The following PRKG1 variants were observed in gnomAD, a reference collection of about 807,000 sequenced individuals.
PRKG1 encodes protein kinase cGMP-dependent 1, also known as cGMP-dependent protein kinase 1.
PRKG1 carries 35 observed loss-of-function variants against 88.1 expected under a neutral mutation model. The observed-to-expected ratio is 0.40, with a 90% CI of 0.30 to 0.53. The LOEUF is 0.53. PRKG1 is among the 20% of genes least tolerant of loss of function. The pLI, the probability that PRKG1 is intolerant of heterozygous loss-of-function variation, is 0.59. For synonymous variants in PRKG1, 303 were observed against 292.5 expected, an observed-to-expected ratio of 1.04 and a Z score of -0.37; for missense variants, 540 against 839.8, an observed-to-expected ratio of 0.64 and a Z score of 4.41.
chr10:50,999,295 C>G (rs1842864071), intron 1 of PRKG1, among the ~76,000 whole-genome samples: 1 of 152,190 alleles, frequency 6.6e-6, no homozygotes, highest in African/African-American at 2.4e-5. Flanking sequence ...ACTGATAGCA[C>G]TTTCATGTGC....
intron 2 of PRKG1, among the ~76,000 whole-genome samples, chr10:51,250,840 T>C (rs1188894180): frequency 6.6e-6 from 1 of 151,192 alleles, no homozygotes; most frequent in Non-Finnish European, 1.5e-5. Flanking sequence ...GAGCTCCTAG[T>C]GTATGTGAAG....
At chr10:51,228,139 A>G (rs1205385352) in intron 2 of PRKG1, among the ~76,000 whole-genome samples, 1 of 145,406 alleles carries the variant, frequency 6.9e-6, no homozygotes, top group Non-Finnish European at 1.5e-5. Context: ...AGAAGCTAGC[A>G]TTCTCATTTG....
chr10:52,154,219 C>A (rs983049448), intron 8 of PRKG1, among the ~76,000 whole-genome samples: 5 of 152,134 alleles, frequency 3.3e-5, no homozygotes, highest in African/African-American at 1.2e-4. Flanking sequence ...GCAAACTAAT[C>A]TTAAAATAGC....
chr10:51,708,049 C>A (rs16921768), intron 3 of PRKG1, among the ~76,000 whole-genome samples: 1 of 152,020 alleles, frequency 6.6e-6, no homozygotes, highest in Non-Finnish European at 1.5e-5. Flanking sequence ...CTCTCAGAAC[C>A]CACAGAAATT....
chr10:51,698,424 A>T, intron 3 of PRKG1: 2 of 1,614,020 alleles, frequency 1.2e-6, no homozygotes, highest in Non-Finnish European at 1.7e-6. Context: ...TCATGTGAGG[A>T]AGGGCCACGA....
intron 1 of PRKG1, among the ~76,000 whole-genome samples, chr10:50,998,985 A>G (rs1842861493): frequency 6.6e-6 from 1 of 152,226 alleles, no homozygotes; most frequent in Admixed American, 6.5e-5. Context: ...TGGATCACCA[A>G]CTTTGGGGTA....
intron 4 of PRKG1, among the ~76,000 whole-genome samples, chr10:51,890,724 G>T (rs7917191): frequency 4.6e-5 from 7 of 152,064 alleles, no homozygotes; most frequent in South Asian, 2.1e-4. Context: ...GGGAGGTCAA[G>T]GCGGGTGGAT....
intron 2 of PRKG1, among the ~76,000 whole-genome samples, chr10:51,186,738 T>C (rs1837496932): frequency 6.6e-6 from 1 of 151,838 alleles, no homozygotes; most frequent in South Asian, 2.1e-4. Context: ...CTTCCATTAA[T>C]TAGCTGTATG....
intron 9 of PRKG1, among the ~76,000 whole-genome samples, chr10:52,250,502 A>G (rs961375764): frequency 3.9e-5 from 6 of 152,210 alleles, no homozygotes; most frequent in African/African-American, 1.4e-4. Context: ...GGCTGATTCT[A>G]TGCAAAAGTA....
chr10:51,531,887 C>A (rs879418851), intron 3 of PRKG1, among the ~76,000 whole-genome samples: 4 of 151,958 alleles, frequency 2.6e-5, no homozygotes, highest in African/African-American at 4.8e-5. Context: ...TCGTGATTTG[C>A]CCGCCTTGGC....
intron 3 of PRKG1, among the ~76,000 whole-genome samples, chr10:51,561,224 G>A (rs552891326): frequency 6.6e-6 from 1 of 152,198 alleles, no homozygotes; most frequent in South Asian, 2.1e-4. Flanking sequence ...GGGAGCAGAG[G>A]GAAGCTAAGG....
intron 3 of PRKG1, among the ~76,000 whole-genome samples, chr10:51,556,454 G>A (rs1379660473): frequency 1.3e-5 from 2 of 151,562 alleles, no homozygotes; most frequent in Non-Finnish European, 2.9e-5. Context: ...CTAGGCACTA[G>A]TCACGATAGC....
At chr10:51,570,116 T>C (rs1157302533) in intron 3 of PRKG1, among the ~76,000 whole-genome samples, 1 of 150,710 alleles carries the variant, frequency 6.6e-6, no homozygotes, top group East Asian at 2.0e-4. Flanking sequence ...GGATATGTGA[T>C]ATACAGAGAA....
chr10:51,803,100 G>T (rs1212940725), intron 3 of PRKG1, among the ~76,000 whole-genome samples: 1 of 152,054 alleles, frequency 6.6e-6, no homozygotes. Flanking sequence ...GATTTCCCAA[G>T]TTCTTTGTGG....
At chr10:52,052,747 C>T (rs897232397) in intron 5 of PRKG1, among the ~76,000 whole-genome samples, 4 of 152,032 alleles carry the variant, frequency 2.6e-5, no homozygotes, top group Admixed American at 2.6e-4. Flanking sequence ...ATGGAAGAAA[C>T]GGCTCTCATG....
chr10:52,241,337 A>C (rs1840855827), intron 9 of PRKG1, among the ~76,000 whole-genome samples: 2 of 152,124 alleles, frequency 1.3e-5, no homozygotes, highest in African/African-American at 4.8e-5. Context: ...CAAAGTTTGT[A>C]TCTCTCAAGA....
intron 2 of PRKG1, among the ~76,000 whole-genome samples, chr10:51,261,088 A>G (rs1331188838): frequency 6.6e-6 from 1 of 152,236 alleles, no homozygotes; most frequent in Non-Finnish European, 1.5e-5. Flanking sequence ...TATAAAGTAT[A>G]TTCTTTTGGA....
chr10:51,468,199 G>T (rs1839957855), intron 3 of PRKG1, among the ~76,000 whole-genome samples: 1 of 151,682 alleles, frequency 6.6e-6, no homozygotes, highest in Admixed American at 6.6e-5. Context: ...TCTATTTTGG[G>T]TTATATTCTT....
chr10:51,379,955 A>T (rs1837031869), intron 2 of PRKG1, among the ~76,000 whole-genome samples: 1 of 152,208 alleles, frequency 6.6e-6, no homozygotes, highest in Non-Finnish European at 1.5e-5. Context: ...TCTTATACAC[A>T]GACTAAAACT....
Sources: gnomAD v4.1 joint callset for allele counts (sites outside exome capture counted in the v4.1 genomes callset) on GRCh38, gnomAD v4.1.1 for gene constraint, MANE v1.5 for transcripts, NCBI Gene and HGNC (gene_info 2026-07-23, HGNC 2026-07-21) for gene names.